Variants in DOCK1 observed in about 807,000 individuals in gnomAD.
DOCK1 encodes the protein dedicator of cytokinesis 1.
Under a neutral mutation model 262.7 loss-of-function variants are expected in DOCK1, and 138 were observed. The ratio of observed to expected loss-of-function variants is 0.53; its 90% CI spans 0.46 to 0.61. The LOEUF is 0.61. Ranked by LOEUF, DOCK1 falls within the 20% of genes least tolerant of loss-of-function variation. The probability of loss-of-function intolerance (pLI) is 0.00; values close to 1 mark genes in which losing one functional copy is unlikely to be tolerated. For missense variants in DOCK1, 1,908 were observed against 2,370.7 expected (o/e 0.80, Z 4.05); for synonymous variants, 866 against 867.4 (o/e 1.00, Z 0.03).
chr10:126,951,619 G>T (rs1047173541), intron 1 of DOCK1, among the ~76,000 whole-genome samples: 16 of 81,712 alleles, frequency 2.0e-4, no homozygotes, highest in East Asian at 4.7e-4. Flanking sequence ...GTTGGTGGTG[G>T]TATTGTTGGT....
At chr10:127,068,456 TGCCTTC>T (rs1286994603) in intron 23 of DOCK1, among the ~76,000 whole-genome samples, 1 of 128,504 alleles carries the variant, frequency 7.8e-6, no homozygotes, top group Non-Finnish European at 1.6e-5. Flanking sequence ...CAGCAGCTCC[TGCCTTC>T]GCCCCTTCGT....
chr10:127,101,901 A>ATTAAATC (rs1211673360), intron 23 of DOCK1, among the ~76,000 whole-genome samples: 126 of 152,358 alleles, frequency 8.3e-4, no homozygotes, highest in African/African-American at 2.7e-3. Flanking sequence ...AGCCTGTGTG[A>ATTAAATC]ACGCTGGCTA....
chr10:127,315,794 G>A (rs1316806613), intron 29 of DOCK1, among the ~76,000 whole-genome samples: 1 of 152,114 alleles, frequency 6.6e-6, no homozygotes, highest in Non-Finnish European at 1.5e-5. Flanking sequence ...GCCCTCCTGG[G>A]TTGAAGTGAT....
chr10:127,082,647 A>C (rs549887960), intron 23 of DOCK1, among the ~76,000 whole-genome samples: 2 of 151,804 alleles, frequency 1.3e-5, no homozygotes, highest in Non-Finnish European at 2.9e-5. Flanking sequence ...TAAAGATGCA[A>C]TTTGGGTGGG....
chr10:127,296,803 G>A (rs1259972935), intron 29 of DOCK1, among the ~76,000 whole-genome samples: 2 of 152,162 alleles, frequency 1.3e-5, no homozygotes, highest in Admixed American at 1.3e-4. Flanking sequence ...ACAGTTGTGG[G>A]GGAGGCTTAG....
chr10:126,925,722 GTC>G lies in DOCK1; in HGVS notation c.46+20161_46+20162del, dbSNP rs1449814342. Among the ~76,000 whole-genome samples the G allele has an allele frequency of 3.3e-3, 382 of 115,502 alleles. 1 individual carries two copies. The highest frequency in any genetic ancestry group is 9.8e-3 in the African/African-American group (279 of 28,548). The allele number at this position is 115,502 out of a possible 152,430, so 75.8% of individuals were successfully genotyped here. On this transcript the variant is annotated intron_variant, in intron 1 of 51. Transcript: ENST00000623213. ...TAAACACATACACACACATTGCAGA[GTC>G]TGTGTGTGTGTGTGTGTGTGTGTGT... is the stretch of plus-strand genomic sequence containing the variant.
Position 127,057,133 on chromosome 10 carries a change from G to A in DOCK1, c.2336+4318G>A, listed in dbSNP as rs755990298. ...CACAGATATCTAGGATGTTTGATCC[G>A]TGACAAGCTCCAAATGAGTCTCCTG... is the stretch of plus-strand genomic sequence containing the variant. On this transcript the variant is annotated intron_variant, in intron 22 of 51. Coordinates refer to ENST00000623213, the MANE Select transcript of DOCK1 (RefSeq NM_001290223.2). Among the ~76,000 whole-genome samples the A allele has an allele frequency of 1.7e-4, 26 of 152,290 alleles. No homozygotes were observed. In the Middle Eastern group the frequency reaches 0.017, roughly 100 times the overall value.
intron 31 of DOCK1, among the ~76,000 whole-genome samples, chr10:127,352,154 GCGGGGAGGGGTGGGGAGCAT>G (rs1394379228): frequency 7.4e-5 from 11 of 148,702 alleles, no homozygotes; most frequent in Admixed American, 1.3e-4. Context: ...GTGCAGGGAG[GCGGGGAGGGGTGGGGAGCAT>G]CGGGGAGGGG....
chr10:127,302,750 G>T (rs895907933), intron 29 of DOCK1, among the ~76,000 whole-genome samples: 1 of 140,392 alleles, frequency 7.1e-6, no homozygotes, highest in South Asian at 2.3e-4. Flanking sequence ...GGGTGTGTGT[G>T]TGTGTGTGTG....
intron 23 of DOCK1, among the ~76,000 whole-genome samples, chr10:127,068,991 G>C (rs1277671715): frequency 6.6e-6 from 1 of 152,214 alleles, no homozygotes; most frequent in Non-Finnish European, 1.5e-5. Flanking sequence ...AACAGTGCTT[G>C]GCTGACCTCT....
intron 27 of DOCK1, among the ~76,000 whole-genome samples, chr10:127,154,798 CT>C (rs1437649030): frequency 2.0e-5 from 3 of 152,066 alleles, no homozygotes; most frequent in African/African-American, 7.2e-5. Flanking sequence ...TGGGGTCTTT[CT>C]GTAGTATATT....
At chr10:127,444,383 AGG>A in intron 50 of DOCK1, 104 bp downstream of exon 50, 1 of 1,379,864 alleles carries the variant, frequency 7.2e-7, no homozygotes. Flanking sequence ...CTTGCAGCAG[AGG>A]GTGGGAGTTT....
intron 27 of DOCK1, among the ~76,000 whole-genome samples, chr10:127,242,517 G>A (rs1160132855): frequency 1.3e-5 from 2 of 152,068 alleles, no homozygotes; most frequent in Non-Finnish European, 2.9e-5. Context: ...TTTAAAGAAG[G>A]ACTTGACTCT....
At chr10:127,421,672 T>C (rs2068517582) in intron 46 of DOCK1, among the ~76,000 whole-genome samples, 1 of 152,196 alleles carries the variant, frequency 6.6e-6, no homozygotes, top group Non-Finnish European at 1.5e-5. Context: ...CTACTTTGTG[T>C]CTCTATGAAT....
chr10:126,930,735 G>C (rs2034126011), intron 1 of DOCK1, among the ~76,000 whole-genome samples: 1 of 152,264 alleles, frequency 6.6e-6, no homozygotes, highest in Admixed American at 6.5e-5. Context: ...TCTAAGACAT[G>C]TAGAGACAAA....
chr10:126,961,489 G>T, intron 1 of DOCK1, among the ~76,000 whole-genome samples: 1 of 142,158 alleles, frequency 7.0e-6, no homozygotes, highest in African/African-American at 2.6e-5. Context: ...TCACTCCTTC[G>T]TCCTCCCAGC....
intron 47 of DOCK1, among the ~76,000 whole-genome samples, chr10:127,428,380 G>A (rs1373477610): frequency 1.3e-5 from 2 of 152,234 alleles, no homozygotes; most frequent in East Asian, 3.8e-4. Flanking sequence ...GGAAGGTAGG[G>A]TGCTGTGGAT....
At chr10:126,975,710 T>TGC (rs2134744955) in intron 2 of DOCK1, among the ~76,000 whole-genome samples, 1 of 151,876 alleles carries the variant, frequency 6.6e-6, no homozygotes, top group East Asian at 1.9e-4. Flanking sequence ...CTGCAACCTC[T>TGC]GCCTCCCTGG....
intron 21 of DOCK1, among the ~76,000 whole-genome samples, chr10:127,051,610 T>G (rs1016119765): frequency 2.6e-5 from 4 of 152,202 alleles, no homozygotes; most frequent in Non-Finnish European, 5.9e-5. Flanking sequence ...GAGACAAGGT[T>G]TCACTCTTGT....
Sources: allele counts gnomAD v4.1 joint callset (sites outside exome capture counted in the v4.1 genomes callset), GRCh38; gene constraint gnomAD v4.1.1; transcripts MANE v1.5; gene names NCBI Gene and HGNC (gene_info 2026-07-23, HGNC 2026-07-21).